Variants in TMEM132D observed in about 807,000 individuals in gnomAD.
TMEM132D encodes transmembrane protein 132D.
Under a neutral mutation model 62.3 loss-of-function variants are expected in TMEM132D, and 21 were observed. The observed-to-expected ratio is 0.34, with a 90% CI of 0.24 to 0.49. The LOEUF (loss-of-function observed/expected upper bound fraction) is 0.49, where lower values mean the gene tolerates loss of function less well. Among genes scored for constraint, TMEM132D ranks in the 20% least tolerant of loss-of-function variants. The probability of loss-of-function intolerance (pLI) is 0.99; values close to 1 mark genes in which losing one functional copy is unlikely to be tolerated. For synonymous variants in TMEM132D, 621 were observed against 575.6 expected (o/e 1.08, Z -1.13); for missense variants, 1,346 against 1,402.8 (o/e 0.96, Z 0.65).
At chr12:129,218,508 A>G (rs1195206350) in intron 4 of TMEM132D, among the ~76,000 whole-genome samples, 2 of 152,190 alleles carry the variant, frequency 1.3e-5, no homozygotes, top group Non-Finnish European at 2.9e-5. Flanking sequence ...CATGGTAAGT[A>G]TTTGTGTATC....
chr12:129,130,015 C>CTG (rs59282376), intron 5 of TMEM132D, among the ~76,000 whole-genome samples: 8,874 of 141,394 alleles, frequency 0.063, 283 homozygotes, highest in Middle Eastern at 0.12. Context: ...AAGCTCTGCT[C>CTG]TGTGTGTGTG....
At chr12:129,331,309 T>C (rs1294875878) in intron 4 of TMEM132D, among the ~76,000 whole-genome samples, 2 of 152,206 alleles carry the variant, frequency 1.3e-5, no homozygotes, top group Non-Finnish European at 2.9e-5. Flanking sequence ...GGCAGATGCG[T>C]CTGTATGTAT....
At chr12:129,266,237 C>A (rs927251360) in intron 4 of TMEM132D, among the ~76,000 whole-genome samples, 1 of 152,110 alleles carries the variant, frequency 6.6e-6, no homozygotes, top group East Asian at 1.9e-4. Context: ...TAATGGATGT[C>A]CTACGGCCAC....
chr12:129,708,125 G>A (rs1881548931), intron 1 of TMEM132D, among the ~76,000 whole-genome samples: 1 of 152,120 alleles, frequency 6.6e-6, no homozygotes, highest in Non-Finnish European at 1.5e-5. Flanking sequence ...GCTGAGGTGG[G>A]AGAATGGCTT....
chr12:129,755,083 A>G (rs1870121798), intron 1 of TMEM132D, among the ~76,000 whole-genome samples: 1 of 152,202 alleles, frequency 6.6e-6, no homozygotes, highest in African/African-American at 2.4e-5. Context: ...TATCTAGGAG[A>G]AAGGCACCTG....
chr12:129,736,613 T>C (rs1442018406), intron 1 of TMEM132D, among the ~76,000 whole-genome samples: 1 of 6,170 alleles, frequency 1.6e-4, no homozygotes, highest in Non-Finnish European at 2.6e-3. Flanking sequence ...TTTTATAGTA[T>C]TGAAAAAAAA....
In TMEM132D at chr12:129,081,641, C is replaced by G; in HGVS notation, c.1923+118G>C. 7.2e-6 allele frequency: 10 copies of G among 1,388,788 alleles called. No individual in the cohort carries two copies. The South Asian group carries it at 1.5e-4, about 21-fold the overall frequency. 86.0% of individuals were successfully genotyped at this position (1,388,788 alleles called of 1,614,324 possible). A position where few individuals can be genotyped will look rare whatever the true frequency, so the allele number is the denominator to read the frequency against. Reference sequence around the variant, plus strand: ...TACTCCACAATTTCTTTGAATTTACCCATCCTAAAAATAGATACCATTCCC... The same window carrying G: ...TACTCCACAATTTCTTTGAATTTACGCATCCTAAAAATAGATACCATTCCC... On this transcript the variant is annotated intron_variant, in intron 7 of 8. Transcript: ENST00000422113.
intron 3 of TMEM132D, among the ~76,000 whole-genome samples, chr12:129,411,004 T>C (rs891029003): frequency 3.9e-4 from 59 of 149,464 alleles, no homozygotes; most frequent in African/African-American, 1.4e-3. Flanking sequence ...TAAATTTTTT[T>C]ATCATTTTAA....
chr12:129,564,727 G>T (rs1416294460), intron 2 of TMEM132D, among the ~76,000 whole-genome samples: 1 of 152,182 alleles, frequency 6.6e-6, no homozygotes, highest in African/African-American at 2.4e-5. Flanking sequence ...ATATTTTCAA[G>T]GGTTCTGCAA....
In TMEM132D at chr12:129,605,604, T is replaced by TATATACACACAC. The variant is rs150550863; in HGVS notation, c.969-74400_969-74399insGTGTGTGTATAT. On this transcript the variant is annotated intron_variant, in intron 2 of 8. Coordinates refer to ENST00000422113, the MANE Select transcript of TMEM132D (RefSeq NM_133448.3). ...ATTAGGCATTATATATATATATATA[T>TATATACACACAC]ACACACACATATATATATACACACA... Among the ~76,000 whole-genome samples, 907 of 106,274 alleles carry TATATACACACAC rather than the reference T, an allele frequency of 8.5e-3. 50 individuals are homozygous for TATATACACACAC. In the East Asian group the frequency reaches 0.091, roughly 11 times the overall value. 69.7% of individuals were successfully genotyped at this position (106,274 alleles called of 152,430 possible). A position where few individuals can be genotyped will look rare whatever the true frequency, so the allele number is the denominator to read the frequency against.
At chr12:129,773,868 T>C (rs1411750509) in intron 1 of TMEM132D, among the ~76,000 whole-genome samples, 2 of 152,218 alleles carry the variant, frequency 1.3e-5, no homozygotes, top group East Asian at 3.9e-4. Context: ...CCATGAAGAC[T>C]TGGGCAAATT....
intron 5 of TMEM132D, among the ~76,000 whole-genome samples, chr12:129,126,931 C>T (rs531771548): frequency 1.3e-5 from 2 of 152,292 alleles, no homozygotes; most frequent in South Asian, 4.1e-4. Context: ...AAGAGCAGCA[C>T]GTCTTCAGTG....
At chr12:129,782,222 T>C (rs1593159677) in intron 1 of TMEM132D, among the ~76,000 whole-genome samples, 1 of 152,302 alleles carries the variant, frequency 6.6e-6, no homozygotes, top group East Asian at 1.9e-4. Flanking sequence ...AAGCCTCCAG[T>C]GAAAATTTCC....
At chr12:129,620,055 A>T in intron 2 of TMEM132D, among the ~76,000 whole-genome samples, 1 of 152,166 alleles carries the variant, frequency 6.6e-6, no homozygotes, top group East Asian at 1.9e-4. Flanking sequence ...AAACCTGCTC[A>T]TCCTCCAAGT....
In TMEM132D at chr12:129,371,650, G is replaced by A. The variant is rs1870606168; in HGVS notation, c.1116-33833C>T. ...GGTGATGGTGATGGTGGTGGTGATG[G>A]TGATGGTTATGATGGTGTGGATGAT... is the stretch of plus-strand genomic sequence containing the variant. On this transcript the variant is annotated intron_variant, in intron 3 of 8. Transcript: ENST00000422113. The surrounding 1 kb of genome is among the most constrained non-coding windows in gnomAD (Gnocchi z 4.3). Among the ~76,000 whole-genome samples, 1 of 151,784 alleles carries A rather than the reference G, an allele frequency of 6.6e-6. No homozygotes were observed. Among genetic ancestry groups the A allele is most frequent in the Admixed American group, 6.6e-5 (1 of 15,212 alleles).
intron 5 of TMEM132D, among the ~76,000 whole-genome samples, chr12:129,134,659 T>C (rs2135526920): frequency 6.6e-6 from 1 of 152,296 alleles, no homozygotes; most frequent in South Asian, 2.1e-4. Flanking sequence ...GAACAATTTG[T>C]CCAATGTGAT....
intron 1 of TMEM132D, among the ~76,000 whole-genome samples, chr12:129,773,552 G>C (rs1378822094): frequency 6.6e-6 from 1 of 152,164 alleles, no homozygotes; most frequent in African/African-American, 2.4e-5. Flanking sequence ...AAAACCCAGA[G>C]GGAGAGACAA....
chr12:129,222,730 G>T (rs1276284532), intron 4 of TMEM132D, among the ~76,000 whole-genome samples: 2 of 152,194 alleles, frequency 1.3e-5, no homozygotes, highest in South Asian at 2.1e-4. Flanking sequence ...GAGTAGAAGG[G>T]TGGTTGCCAG....
intron 3 of TMEM132D, among the ~76,000 whole-genome samples, chr12:129,380,969 G>T (rs1870933158): frequency 1.3e-5 from 2 of 152,130 alleles, no homozygotes; most frequent in African/African-American, 4.8e-5. Context: ...AATCCTATGA[G>T]AATTGTGTCA....
Sources: gnomAD v4.1 joint callset for allele counts (sites outside exome capture counted in the v4.1 genomes callset) on GRCh38, gnomAD v4.1.1 for gene constraint, Gnocchi (gnomAD v3.1) non-coding constraint, MANE v1.5 for transcripts, NCBI Gene and HGNC (gene_info 2026-07-23, HGNC 2026-07-21) for gene names.